The following ARHGEF10L variants were observed in gnomAD, a reference collection of about 807,000 sequenced individuals.
The protein encoded by ARHGEF10L is Rho guanine nucleotide exchange factor 10 like, also known as rho guanine nucleotide exchange factor 10-like protein.
In ARHGEF10L, 69 loss-of-function variants were observed where a neutral mutation model predicts 141.2. That is an observed-to-expected ratio of 0.49 (90% confidence interval 0.40 to 0.60). ARHGEF10L has a LOEUF of 0.60. ARHGEF10L is among the 20% of genes least tolerant of loss of function. ARHGEF10L has a pLI of 0.00. For synonymous variants in ARHGEF10L, 711 were observed against 718.5 expected, an observed-to-expected ratio of 0.99 and a Z score of 0.17; for missense variants, 1,482 against 1,734.3, an observed-to-expected ratio of 0.85 and a Z score of 2.58.
the ARHGEF10L span, among the ~76,000 whole-genome samples, chr1:17,520,841 A>G: frequency 4.6e-5 from 7 of 152,208 alleles, no homozygotes; most frequent in Non-Finnish European, 8.8e-5. Flanking sequence ...ATCATTTTAC[A>G]GCTGGGAAAA....
intron 27 of ARHGEF10L, among the ~76,000 whole-genome samples, chr1:17,688,725 G>A (rs2064827157): frequency 6.6e-6 from 1 of 152,188 alleles, no homozygotes; most frequent in Non-Finnish European, 1.5e-5. Context: ...CAGCAGGGTT[G>A]AGCATCCTGT....
At chr1:17,576,727 A>C (rs1226234988) in intron 1 of ARHGEF10L, among the ~76,000 whole-genome samples, 1 of 152,196 alleles carries the variant, frequency 6.6e-6, no homozygotes, top group Non-Finnish European at 1.5e-5. Context: ...TCATTTCATC[A>C]GCACAGGACG....
chr1:17,568,568 AAG>A (rs2077858181), intron 1 of ARHGEF10L, among the ~76,000 whole-genome samples: 11 of 152,160 alleles, frequency 7.2e-5, no homozygotes, highest in Admixed American at 7.2e-4. Flanking sequence ...TTCACTGGGC[AAG>A]CAGTGGTGTC....
chr1:17,522,607 G>A, the ARHGEF10L span, among the ~76,000 whole-genome samples: 24 of 152,054 alleles, frequency 1.6e-4, no homozygotes, highest in Admixed American at 6.5e-4. Flanking sequence ...AGGCAGGGCT[G>A]CCTCCCTGGC....
intron 1 of ARHGEF10L, among the ~76,000 whole-genome samples, chr1:17,568,725 AG>A (rs2077868330): frequency 6.6e-6 from 1 of 152,202 alleles, no homozygotes; most frequent in Non-Finnish European, 1.5e-5. Context: ...GTCGCACCAC[AG>A]GGTTGGTCAG....
At chr1:17,689,305 G>C (rs2064869891) in intron 27 of ARHGEF10L, among the ~76,000 whole-genome samples, 1 of 151,972 alleles carries the variant, frequency 6.6e-6, no homozygotes, top group African/African-American at 2.4e-5. Context: ...CTCAGGGACT[G>C]TTATGAGGAT....
chr1:17,539,511 CT>C (rs1375289024), upstream of ARHGEF10L, among the ~76,000 whole-genome samples: 3 of 151,948 alleles, frequency 2.0e-5, no homozygotes, highest in South Asian at 4.1e-4. The surrounding 1 kb of genome is among the most constrained non-coding windows in gnomAD (Gnocchi z 6.0). Flanking sequence ...AGTTTCCCCC[CT>C]GTACTGTGGG....
At chr1:17,599,612 C>A (rs572963430) in intron 4 of ARHGEF10L, among the ~76,000 whole-genome samples, 1 of 152,240 alleles carries the variant, frequency 6.6e-6, no homozygotes, top group East Asian at 1.9e-4. Flanking sequence ...TGTTAGAAAT[C>A]GGGGTTCAGG....
At chr1:17,647,841 CACAGAG>C (rs1013688725) in intron 21 of ARHGEF10L, among the ~76,000 whole-genome samples, 5 of 152,064 alleles carry the variant, frequency 3.3e-5, no homozygotes, top group African/African-American at 1.2e-4. Flanking sequence ...AAGGAGCCTC[CACAGAG>C]AACGAGGTTT....
chr1:17,658,401 A>G (rs1487571131), intron 25 of ARHGEF10L, among the ~76,000 whole-genome samples: 1 of 152,118 alleles, frequency 6.6e-6, no homozygotes, highest in Non-Finnish European at 1.5e-5. Context: ...CAAAAGAGCC[A>G]CTGGGACCAT....
intron 6 of ARHGEF10L, chr1:17,605,029 G>C (rs2081044981): frequency 6.6e-6 from 1 of 152,302 alleles, no homozygotes; most frequent in Admixed American, 6.5e-5. Flanking sequence ...CATATGCTGG[G>C]CTGTGGGAGG....
At chr1:17,551,567 T>C (rs1260921036) in intron 1 of ARHGEF10L, among the ~76,000 whole-genome samples, 1 of 152,140 alleles carries the variant, frequency 6.6e-6, no homozygotes, top group Non-Finnish European at 1.5e-5. Flanking sequence ...GTCAACTGTT[T>C]CAAGCTAGGG....
chr1:17,621,967 G>T lies in ARHGEF10L; in HGVS notation c.1020+26G>T, dbSNP rs2060132270. 1 of 1,613,454 alleles carries T rather than the reference G, an allele frequency of 6.2e-7. No individual in the cohort carries two copies. Among genetic ancestry groups the T allele is most frequent in the African/African-American group, 1.3e-5 (1 of 75,048 alleles). On this transcript the variant is annotated intron_variant, in intron 11 of 28. Transcript: ENST00000361221. The surrounding 1 kb of genome is among the most constrained non-coding windows in gnomAD (Gnocchi z 4.1). ...GTGCGACTTCAGGGAGTTCTCAAGG[G>T]TCTCTGGGGAGAAGCAGGGAGGGCC... is the stretch of plus-strand genomic sequence containing the variant.
chr1:17,540,094 CG>C (rs1401282467), intron 1 of ARHGEF10L, 144 bp downstream of exon 1: 1 of 152,640 alleles, frequency 6.6e-6, no homozygotes, highest in Admixed American at 6.5e-5. Context: ...CCGTGTCCGC[CG>C]CTGTGTCCCT....
chr1:17,656,486 G>T lies in ARHGEF10L; in HGVS notation c.2706-68G>T, dbSNP rs1471070764. 2 of 1,553,386 alleles carry T rather than the reference G, an allele frequency of 1.3e-6. No individual in the cohort carries two copies. On this transcript the variant is annotated intron_variant, in intron 24 of 28. Transcript: ENST00000361221. The surrounding 1 kb of genome is among the most constrained non-coding windows in gnomAD (Gnocchi z 4.9). ...TCCCTGGGGCCCTCTCCCTAGGAGGGCATGGGGGCAGTGAGTGGGTGGGAG... is the reference window on the plus strand; with the variant it reads ...TCCCTGGGGCCCTCTCCCTAGGAGGTCATGGGGGCAGTGAGTGGGTGGGAG...
intron 27 of ARHGEF10L, among the ~76,000 whole-genome samples, chr1:17,690,771 C>T (rs1403144993): frequency 6.6e-6 from 1 of 152,190 alleles, no homozygotes; most frequent in Non-Finnish European, 1.5e-5. Context: ...CCCTGAGCTC[C>T]AAGCTGAGCC....
At chr1:17,550,286 T>C (rs921788847) in intron 1 of ARHGEF10L, among the ~76,000 whole-genome samples, 4 of 152,124 alleles carry the variant, frequency 2.6e-5, no homozygotes, top group African/African-American at 9.7e-5. Context: ...GTGAGGAGCA[T>C]GGCTTTTGGA....
At chr1:17,574,808 G>A (rs1019993977) in intron 1 of ARHGEF10L, among the ~76,000 whole-genome samples, 2 of 152,200 alleles carry the variant, frequency 1.3e-5, no homozygotes, top group Non-Finnish European at 2.9e-5. Flanking sequence ...GGGAGCCGTG[G>A]GCCCTCTTCT....
chr1:17,622,123 G>A (rs1361077743), intron 11 of ARHGEF10L, among the ~76,000 whole-genome samples, 182 bp downstream of exon 11: 1 of 152,170 alleles, frequency 6.6e-6, no homozygotes, highest in Non-Finnish European at 1.5e-5. Flanking sequence ...CTGATGCCCT[G>A]GTGTTCACGG....
Sources: gnomAD v4.1 joint callset for allele counts (sites outside exome capture counted in the v4.1 genomes callset) on GRCh38, gnomAD v4.1.1 for gene constraint, Gnocchi (gnomAD v3.1) non-coding constraint, MANE v1.5 for transcripts, NCBI Gene and HGNC (gene_info 2026-07-23, HGNC 2026-07-21) for gene names.